The following MACF1 variants were observed in gnomAD, a reference collection of about 807,000 sequenced individuals.
MACF1 encodes microtubule actin crosslinking factor 1, also known as microtubule-actin cross-linking factor 1.
A neutral mutation model predicts 854.8 loss-of-function variants in MACF1; 193 were observed. The observed-to-expected ratio is 0.23, with a 90% CI of 0.20 to 0.25. MACF1 has a LOEUF of 0.25. Among genes scored for constraint, MACF1 ranks in the 10% least tolerant of loss-of-function variants. The probability of loss-of-function intolerance (pLI) is 1.00; values close to 1 mark genes in which losing one functional copy is unlikely to be tolerated. For synonymous variants in MACF1, 3,185 were observed against 3,226.7 expected (o/e 0.99, Z 0.44); for missense variants, 7,722 against 8,929.1 (o/e 0.86, Z 5.45).
At chr1:39,478,192 G>A (rs1644947365) in intron 97 of MACF1, among the ~76,000 whole-genome samples, 1 of 151,892 alleles carries the variant, frequency 6.6e-6, no homozygotes, top group African/African-American at 2.4e-5. Context: ...TAGTAGAGAC[G>A]GGGTTTTGCC....
chr1:39,475,468 C>A (rs79490686), intron 97 of MACF1, among the ~76,000 whole-genome samples: 478 of 121,010 alleles, frequency 4.0e-3, no homozygotes, highest in Middle Eastern at 8.3e-3. Flanking sequence ...GACCCTGTCT[C>A]AAAAAAAAAA....
intron 6 of MACF1, chr1:39,268,708 C>T: frequency 7.8e-7 from 1 of 1,278,260 alleles, no homozygotes; most frequent in Non-Finnish European, 1.0e-6. Flanking sequence ...ATGGGAAATT[C>T]ACTGGGCTGT....
rs768383146 is a variant in MACF1 at position 39,447,692 on chromosome 1, G to T, written c.19762G>T (p.Val6588Phe). Residue 6588 changes from valine (V) to phenylalanine (F), a missense_variant and splice_region_variant, in exon 82 of 101, where the codon GTT becomes TTT. By Grantham distance (50) the Val-to-Phe change is conservative. Around this residue, in one of 15 missense-constraint regions of MACF1, gnomAD observed 729 missense variants for 900.5 expected, o/e 0.81. Transcript: ENST00000564288. ...TVLSQIEEHK[V>F]FANEVNAHRD... is the part of the protein sequence containing the mutation. ...AAAAAGAGCACTATTGTTCCCTCAG[G>T]TTTTTGCTAATGAAGTAAATGCTCA... 6.8e-6 allele frequency: 11 copies of T among 1,614,130 alleles called. No individual in the cohort carries two copies. The highest frequency in any genetic ancestry group is 9.3e-6 in the Non-Finnish European group (11 of 1,180,020).
rs528755699 is a variant in MACF1 at position 39,208,946 on chromosome 1, G to A, written c.109+3815G>A. On this transcript the variant is annotated intron_variant, in intron 1 of 100. Transcript: ENST00000564288. ...TCATCTCAGTATCTGCAGTGTCTGA[G>A]GCAAAACAGATGTCAGTAAATATGG... Among the ~76,000 whole-genome samples the A allele has an allele frequency of 5.5e-4, 84 of 152,068 alleles. 1 individual carries two copies. The highest frequency in any genetic ancestry group is 1.9e-3 in the African/African-American group (78 of 41,510).
chr1:39,304,563 T>C, intron 23 of MACF1: 1 of 945,634 alleles, frequency 1.1e-6, no homozygotes, highest in Non-Finnish European at 1.6e-6. Context: ...TTTCTTTTCT[T>C]TCTTTTTTTT....
At chr1:39,345,478 G>T (rs1241514976) in intron 40 of MACF1, among the ~76,000 whole-genome samples, 1 of 152,124 alleles carries the variant, frequency 6.6e-6, no homozygotes, top group Non-Finnish European at 1.5e-5. Context: ...GGGCATGGTG[G>T]TGCACACGTG....
At chr1:39,485,435 A>ATTTGCT in intron 100 of MACF1, 103 bp from the exon 101 acceptor site, 1 of 1,319,910 alleles carries the variant, frequency 7.6e-7, no homozygotes, top group African/African-American at 1.5e-5. Context: ...AGGCTGTGAG[A>ATTTGCT]TTTGCTTAAG....
chr1:39,458,510 T>A lies in MACF1; in HGVS notation c.21196+20T>A. ...GAGGCAGTATGTTTCCAGCCCCCTG[T>A]GTTAGGATGCTTCATTCCTGCTAAT... On this transcript the variant is annotated intron_variant, in intron 90 of 100. Coordinates refer to ENST00000564288, the MANE Select transcript of MACF1 (RefSeq NM_001394062.1). 1 of 1,600,364 alleles carries A rather than the reference T, an allele frequency of 6.2e-7. No homozygotes were observed. The highest frequency in any genetic ancestry group is 8.5e-7 in the Non-Finnish European group (1 of 1,173,550).
intron 2 of MACF1, among the ~76,000 whole-genome samples, chr1:39,159,994 T>C (rs1227037479): frequency 6.6e-6 from 1 of 152,052 alleles, no homozygotes; most frequent in Non-Finnish European, 1.5e-5. Flanking sequence ...TTCTAAGAAA[T>C]ATATATGGAG....
Position 39,297,570 on chromosome 1 carries a change from G to A in MACF1, c.2356-50G>A, listed in dbSNP as rs2275187. On this transcript the variant is annotated intron_variant, in intron 20 of 100. Transcript: ENST00000564288. ...ATTGTTCTTTCTTAGTTAATATTCC[G>A]GTGTTCTAATGTTTTGAGCAGAAGG... 0.68 allele frequency: 1,099,138 copies of A among 1,605,496 alleles called. 382,440 individuals are homozygous for A. The highest frequency in any genetic ancestry group is 0.78 in the South Asian group (71,052 of 90,788).
At chr1:39,187,967 T>TTCC (rs1644199170) in intron 2 of MACF1, among the ~76,000 whole-genome samples, 1 of 49,396 alleles carries the variant, frequency 2.0e-5, no homozygotes, top group African/African-American at 6.6e-5. Context: ...CCTCCCCTCC[T>TTCC]CTCCCCTCCT....
rs1401231930 is a variant in MACF1, at chr1:39,442,002, C to G, written c.18723C>G (p.Pro6241=). 3 of 1,614,098 alleles carry G rather than the reference C, an allele frequency of 1.9e-6. No homozygotes were observed. The highest frequency in any genetic ancestry group is 2.2e-5 in the South Asian group (2 of 91,064). The change falls in exon 75 of 101, where the codon CCC becomes CCG. Residue 6241 remains proline, a synonymous_variant. Transcript: ENST00000564288. The part of the protein sequence containing the change: ...DNTVIKLCTM[P]PVGTDLNTVK... ...CTGTGATTAAACTCTGCACCATGCC[C>G]CCTGTTGGCACTGACCTCAATACTG...
chr1:39,403,721 A>C (rs1486762996), intron 58 of MACF1, among the ~76,000 whole-genome samples: 1 of 152,118 alleles, frequency 6.6e-6, no homozygotes, highest in East Asian at 1.9e-4. Context: ...ATTATTCTGA[A>C]CAAGTATGCT....
chr1:39,103,927 C>G (rs956410206), intron 2 of MACF1, among the ~76,000 whole-genome samples: 19 of 152,176 alleles, frequency 1.2e-4, no homozygotes, highest in African/African-American at 4.6e-4. Flanking sequence ...TTACTTGTTA[C>G]CAATGTGCTG....
intron 83 of MACF1, 136 bp downstream of exon 83, chr1:39,448,288 G>T: frequency 9.7e-7 from 1 of 1,034,912 alleles, no homozygotes; most frequent in South Asian, 1.7e-5. Context: ...TGAAGCCAGG[G>T]TTCCATTTTA....
chr1:39,290,644 C>G (rs974839967), intron 15 of MACF1, among the ~76,000 whole-genome samples: 1 of 110,708 alleles, frequency 9.0e-6, no homozygotes, highest in African/African-American at 3.4e-5. Context: ...GTTTATTCTT[C>G]GTTTTTCATT....
chr1:39,230,014 A>T (rs1325321866), intron 1 of MACF1, among the ~76,000 whole-genome samples: 1 of 152,212 alleles, frequency 6.6e-6, no homozygotes, highest in East Asian at 1.9e-4. Flanking sequence ...AACTGCTGGG[A>T]TTACAAGGCA....
intron 40 of MACF1, among the ~76,000 whole-genome samples, chr1:39,346,719 C>G (rs888228114): frequency 2.0e-5 from 3 of 152,004 alleles, no homozygotes; most frequent in African/African-American, 7.2e-5. Context: ...CGGGGTTTCA[C>G]CGTGTTAGCC....
chr1:39,234,540 G>T (rs1307030911), intron 2 of MACF1, among the ~76,000 whole-genome samples: 1 of 102,092 alleles, frequency 9.8e-6, no homozygotes, highest in Non-Finnish European at 2.1e-5. Flanking sequence ...CTGGCCTGGC[G>T]GGGGGCTGAC....
Sources: allele counts gnomAD v4.1 joint callset (sites outside exome capture counted in the v4.1 genomes callset), GRCh38; gene constraint gnomAD v4.1.1; regional missense constraint gnomAD v4.1.1; transcripts MANE v1.5; gene names NCBI Gene and HGNC (gene_info 2026-07-23, HGNC 2026-07-21).